TNIK: variants seen among roughly 807,000 people sequenced by gnomAD.
TNIK encodes the protein TRAF2 and NCK interacting kinase.
A neutral mutation model predicts 191.3 loss-of-function variants in TNIK; 49 were observed. The ratio of observed to expected loss-of-function variants is 0.26; its 90% CI spans 0.20 to 0.32. The LOEUF is 0.32. Among genes scored for constraint, TNIK ranks in the 10% least tolerant of loss-of-function variants. The probability of loss-of-function intolerance (pLI) is 1.00; values close to 1 mark genes in which losing one functional copy is unlikely to be tolerated. For missense variants in TNIK, 1,155 were observed against 1,702.3 expected (o/e 0.68, Z 5.66); for synonymous variants, 594 against 600.9 (o/e 0.99, Z 0.17).
intron 3 of TNIK, among the ~76,000 whole-genome samples, chr3:171,218,035 C>T (rs60662447): frequency 0.041 from 6,295 of 152,106 alleles, 427 homozygotes; most frequent in African/African-American, 0.14. Flanking sequence ...CACAGAATAC[C>T]GTGTTCTACA....
At chr3:171,118,990 G>A (rs990181524) in intron 18 of TNIK, among the ~76,000 whole-genome samples, 1 of 152,190 alleles carries the variant, frequency 6.6e-6, no homozygotes, top group Non-Finnish European at 1.5e-5. Context: ...ACTACCATCA[G>A]AGTGAACAGC....
intron 5 of TNIK, among the ~76,000 whole-genome samples, chr3:171,191,686 A>G (rs1433464428): frequency 6.6e-6 from 1 of 152,180 alleles, no homozygotes; most frequent in Non-Finnish European, 1.5e-5. Flanking sequence ...TTTTTAGTTT[A>G]TGCTAGTTTA....
chr3:171,428,675 CA>C (rs1186478372), intron 1 of TNIK, among the ~76,000 whole-genome samples: 25 of 150,604 alleles, frequency 1.7e-4, no homozygotes, highest in Non-Finnish European at 3.5e-4. Flanking sequence ...GCAGGGCAAC[CA>C]GCATACTCTA....
At chr3:171,209,762 T>G (rs925556032) in intron 4 of TNIK, among the ~76,000 whole-genome samples, 4 of 152,224 alleles carry the variant, frequency 2.6e-5, no homozygotes, top group Admixed American at 2.6e-4. Flanking sequence ...TCCCAATGGT[T>G]CTTTTCATTT....
At position 171,157,564 on chromosome 3, in the gene TNIK, G is replaced by T; in HGVS notation, c.1117C>A (p.Leu373Met). Residue 373 changes from leucine to methionine, a missense_variant, in exon 12 of 33, where the codon CTG (leucine) becomes ATG (methionine). Around this residue, in one of 3 missense-constraint regions of TNIK, gnomAD observed 735 missense variants for 848.0 expected, o/e 0.87. Coordinates refer to ENST00000436636, the MANE Select transcript of TNIK (RefSeq NM_015028.4). Reference sequence around the variant, plus strand: ...TCATTCTCCCGCTGCTGCTGCTCCAGCTGCTGCCTCCGTAGGGCCTCAGAA... The same window carrying T: ...TCATTCTCCCGCTGCTGCTGCTCCATCTGCTGCCTCCGTAGGGCCTCAGAA... The part of the protein sequence containing the change: ...ERSEALRRQQ[L>M]EQQQRENEEH... 1 of 1,561,242 alleles carries T rather than the reference G, an allele frequency of 6.4e-7. No individual in the cohort carries two copies. Among genetic ancestry groups the T allele is most frequent in the African/African-American group, 1.4e-5 (1 of 73,542 alleles).
chr3:171,347,146 G>A, intron 2 of TNIK: 2 of 1,523,152 alleles, frequency 1.3e-6, no homozygotes, highest in Non-Finnish European at 1.7e-6. Context: ...TGAAATTCAG[G>A]AGATGATGTC....
intron 21 of TNIK, among the ~76,000 whole-genome samples, chr3:171,102,821 T>G (rs1216010459): frequency 6.6e-6 from 1 of 152,202 alleles, no homozygotes; most frequent in Non-Finnish European, 1.5e-5. Context: ...GGTGATGACA[T>G]TGGGTAATCC....
chr3:171,388,623 AC>A (rs1305078481), intron 1 of TNIK, among the ~76,000 whole-genome samples: 1 of 152,176 alleles, frequency 6.6e-6, no homozygotes, highest in African/African-American at 2.4e-5. Flanking sequence ...CCTTACACAC[AC>A]ACACTACCTT....
intron 7 of TNIK, among the ~76,000 whole-genome samples, chr3:171,177,976 C>T (rs533519465): frequency 2.6e-5 from 4 of 152,302 alleles, no homozygotes; most frequent in East Asian, 1.9e-4. Context: ...CTTATGTATT[C>T]GATCTGTTTC....
At chr3:171,082,131 G>C (rs1720771873) in intron 27 of TNIK, 120 bp downstream of exon 27, 1 of 1,356,986 alleles carries the variant, frequency 7.4e-7, no homozygotes, top group Non-Finnish European at 1.0e-6. Context: ...TGGCTATACT[G>C]CTATACTTTA....
chr3:171,187,439 A>G (rs1737498823), intron 7 of TNIK, among the ~76,000 whole-genome samples: 2 of 152,148 alleles, frequency 1.3e-5, no homozygotes, highest in African/African-American at 2.4e-5. Context: ...CAAGCTTGCA[A>G]TTCCCAAAAG....
chr3:171,432,969 T>C (rs925315487), intron 1 of TNIK, among the ~76,000 whole-genome samples: 3 of 152,150 alleles, frequency 2.0e-5, no homozygotes, highest in Non-Finnish European at 4.4e-5. Context: ...TAATATTAAA[T>C]TGATATCAGA....
intron 2 of TNIK, among the ~76,000 whole-genome samples, chr3:171,265,229 T>C (rs16848010): frequency 0.035 from 5,254 of 152,180 alleles, 263 homozygotes; most frequent in African/African-American, 0.12. Context: ...TCCAAGAAAA[T>C]TGGCACAGCT....
intron 2 of TNIK, among the ~76,000 whole-genome samples, chr3:171,364,885 C>G (rs1167772092): frequency 1.3e-5 from 2 of 151,842 alleles, no homozygotes; most frequent in African/African-American, 4.8e-5. Context: ...CTTTAAAGAC[C>G]CTGAAGTGAG....
intron 1 of TNIK, among the ~76,000 whole-genome samples, chr3:171,459,675 TACACACAC>T (rs58614773): frequency 5.5e-4 from 81 of 146,336 alleles, no homozygotes; most frequent in African/African-American, 1.7e-3. Context: ...CCGGGGCGTG[TACACACAC>T]ACACACACAC....
Position 171,128,715 on chromosome 3 carries a change from T to A in TNIK, c.1772A>T (p.Gln591Leu). The change falls in exon 16 of 33, where the codon CAG (glutamine) becomes CTG (leucine). Residue 591 changes from glutamine (Q) to leucine (L), a missense_variant and splice_region_variant. Gln to Leu is a moderately radical substitution (Grantham distance 113, BLOSUM62 -2). Transcript: ENST00000436636. ...TGATGGAATGGAGGCAGACTGTACCTGGGGATCGACTGGTCTGAGCATGGG... is the reference window on the plus strand; with the variant it reads ...TGATGGAATGGAGGCAGACTGTACCAGGGGATCGACTGGTCTGAGCATGGG... ...TPPMLRPVDP[Q>L]IPHLVAVKSQ... The A allele has an allele frequency of 1.9e-6, 3 of 1,611,302 alleles. No individual in the cohort carries two copies. In the East Asian group the frequency reaches 6.7e-5, roughly 36 times the overall value.
intron 1 of TNIK, among the ~76,000 whole-genome samples, chr3:171,414,727 T>G (rs183134255): frequency 6.6e-6 from 1 of 152,350 alleles, no homozygotes; most frequent in African/African-American, 2.4e-5. Flanking sequence ...GATACCCAGC[T>G]GGAAAGTGTG....
At chr3:171,274,624 T>C (rs1056750071) in intron 2 of TNIK, among the ~76,000 whole-genome samples, 1 of 152,224 alleles carries the variant, frequency 6.6e-6, no homozygotes, top group Non-Finnish European at 1.5e-5. Context: ...GGCCAACATA[T>C]ATGCAGCTAT....
chr3:171,240,184 T>A (rs1013520676), intron 2 of TNIK, among the ~76,000 whole-genome samples: 1 of 152,200 alleles, frequency 6.6e-6, no homozygotes, highest in African/African-American at 2.4e-5. Flanking sequence ...GGTCGACTCA[T>A]CAGGGATCGT....
Sources: gnomAD v4.1 joint callset for allele counts (sites outside exome capture counted in the v4.1 genomes callset) on GRCh38, gnomAD v4.1.1 for gene constraint, gnomAD v4.1.1 regional missense constraint, MANE v1.5 for transcripts, NCBI Gene and HGNC (gene_info 2026-07-23, HGNC 2026-07-21) for gene names.